FOCAD: variants seen among roughly 807,000 people sequenced by gnomAD.
FOCAD encodes the protein focadhesin.
A neutral mutation model predicts 225.6 loss-of-function variants in FOCAD; 198 were observed. The ratio of observed to expected loss-of-function variants is 0.88; its 90% CI spans 0.78 to 0.99. The LOEUF (loss-of-function observed/expected upper bound fraction) is 0.99, where lower values mean the gene tolerates loss of function less well. FOCAD is among the 50% of genes least tolerant of loss of function. The pLI is 0.00. For missense variants in FOCAD, 2,713 were observed against 2,123.6 expected (o/e 1.28, Z -5.46); for synonymous variants, 897 against 755.0 (o/e 1.19, Z -3.08).
At chr9:20,889,768 C>T (rs989442813) in intron 21 of FOCAD, among the ~76,000 whole-genome samples, 19 of 152,204 alleles carry the variant, frequency 1.2e-4, no homozygotes, top group African/African-American at 3.6e-4. Flanking sequence ...TTTTAAGAAA[C>T]CACAAAAAAG....
chr9:20,786,899 C>A, intron 10 of FOCAD: 2 of 314,248 alleles, frequency 6.4e-6, no homozygotes, highest in South Asian at 2.9e-5. Context: ...TTTTAAACAC[C>A]TACTTCCTCC....
At chr9:20,686,598 AT>A (rs1822681827) in intron 1 of FOCAD, among the ~76,000 whole-genome samples, 1 of 152,248 alleles carries the variant, frequency 6.6e-6, no homozygotes, top group African/African-American at 2.4e-5. Flanking sequence ...CTTGATCTTA[AT>A]CAGTATTTCT....
chr9:20,784,512 G>A (rs1034261429), intron 10 of FOCAD, among the ~76,000 whole-genome samples: 2 of 152,100 alleles, frequency 1.3e-5, no homozygotes, highest in African/African-American at 4.8e-5. Flanking sequence ...AGGGTGGATG[G>A]GTGAGATGAA....
chr9:20,693,896 A>G (rs1823132589), intron 1 of FOCAD, among the ~76,000 whole-genome samples: 1 of 152,160 alleles, frequency 6.6e-6, no homozygotes, highest in Non-Finnish European at 1.5e-5. Context: ...TTTTTAGTAC[A>G]GATGGCACTT....
intron 28 of FOCAD, among the ~76,000 whole-genome samples, chr9:20,933,411 T>C (rs1835670761): frequency 6.6e-6 from 1 of 152,222 alleles, no homozygotes; most frequent in Admixed American, 6.5e-5. Flanking sequence ...TGTATCCTCA[T>C]AGCTTAGCTC....
chr9:20,804,808 T>C (rs36020115), intron 11 of FOCAD, among the ~76,000 whole-genome samples: 1,786 of 149,230 alleles, frequency 0.012, 19 homozygotes, highest in Non-Finnish European at 0.018. Flanking sequence ...TTCCGGGAAA[T>C]CCTTCTGAAG....
At chr9:20,698,104 A>G (rs1823525461) in intron 1 of FOCAD, among the ~76,000 whole-genome samples, 1 of 152,234 alleles carries the variant, frequency 6.6e-6, no homozygotes. Context: ...AATAAATAAG[A>G]TCACTTTTTT....
At position 20,735,362 on chromosome 9, in the gene FOCAD, C is replaced by G. The variant is rs975987093; in HGVS notation, c.288-4874C>G. 7.9e-5 allele frequency among the ~76,000 whole-genome samples: 12 copies of G among 151,936 alleles called. No homozygotes were observed. The East Asian group carries it at 2.3e-3, about 29-fold the overall frequency. On this transcript the variant is annotated intron_variant, in intron 4 of 43. Coordinates refer to ENST00000338382, the MANE Select transcript of FOCAD (RefSeq NM_001375567.1). ...TCCATAAATTCTTTCAAAGCAATTG[C>G]TTTAATCTTTATAGTCACATTTGAA...
chr9:20,751,681 G>GAT lies in FOCAD; in HGVS notation c.393-6408_393-6407dup, dbSNP rs1176790279. 4.1e-3 allele frequency among the ~76,000 whole-genome samples: 614 copies of GAT among 148,756 alleles called. 4 individuals carry two copies. Among genetic ancestry groups the GAT allele is most frequent in the African/African-American group, 0.015 (593 of 40,764 alleles). On this transcript the variant is annotated intron_variant, in intron 5 of 43. Transcript: ENST00000338382. ...CCTTTGGGTATATACCCAGTAATGG[G>GAT]ATGACTGGGTCAAATGGTATTTCTA...
At chr9:20,879,973 A>G (rs1448897157) in intron 19 of FOCAD, among the ~76,000 whole-genome samples, 1 of 152,198 alleles carries the variant, frequency 6.6e-6, no homozygotes, top group Non-Finnish European at 1.5e-5. Context: ...TTCTTTCATC[A>G]TAGTGCCTCT....
intron 24 of FOCAD, among the ~76,000 whole-genome samples, chr9:20,919,302 A>G (rs1248095747): frequency 6.6e-6 from 1 of 152,224 alleles, no homozygotes; most frequent in East Asian, 1.9e-4. Context: ...CCACTGCTGA[A>G]TGAAATAAAA....
chr9:20,907,987 G>A (rs986039417), intron 22 of FOCAD, among the ~76,000 whole-genome samples: 5 of 152,076 alleles, frequency 3.3e-5, no homozygotes, highest in African/African-American at 1.2e-4. Context: ...TGACATAAGT[G>A]TCTAAACGTA....
intron 4 of FOCAD, among the ~76,000 whole-genome samples, chr9:20,737,526 C>T (rs1359465327): frequency 1.3e-5 from 2 of 152,156 alleles, no homozygotes; most frequent in African/African-American, 4.8e-5. Context: ...GGCCTTTCTT[C>T]AGTGGTATAT....
intron 20 of FOCAD, among the ~76,000 whole-genome samples, chr9:20,882,655 A>G (rs1485763037): frequency 3.3e-5 from 5 of 152,224 alleles, no homozygotes; most frequent in African/African-American, 9.6e-5. Flanking sequence ...CTGAGCATTC[A>G]GCCTCAACTT....
chr9:20,735,972 A>T (rs2131633094), intron 4 of FOCAD, among the ~76,000 whole-genome samples: 1 of 152,288 alleles, frequency 6.6e-6, no homozygotes, highest in East Asian at 1.9e-4. Context: ...TTAACTGGAG[A>T]ACCTCTTTAA....
chr9:20,981,730 G>A, intron 38 of FOCAD, 44 bp downstream of exon 38: 1 of 1,572,942 alleles, frequency 6.4e-7, no homozygotes, highest in Non-Finnish European at 8.6e-7. Context: ...TTATGTTTGG[G>A]ATATTTTAAA....
At chr9:20,723,999 G>A (rs2131567939) in intron 4 of FOCAD, among the ~76,000 whole-genome samples, 1 of 152,278 alleles carries the variant, frequency 6.6e-6, no homozygotes, top group South Asian at 2.1e-4. Context: ...GGAGGTCCAA[G>A]ATTCTTTTAA....
intron 21 of FOCAD, among the ~76,000 whole-genome samples, chr9:20,906,119 A>G (rs929501960): frequency 6.6e-6 from 1 of 152,002 alleles, no homozygotes; most frequent in Non-Finnish European, 1.5e-5. Flanking sequence ...AGTACCTTGT[A>G]TATAGTAGGC....
At chr9:20,800,479 G>A (rs547954486) in intron 11 of FOCAD, among the ~76,000 whole-genome samples, 2 of 152,034 alleles carry the variant, frequency 1.3e-5, no homozygotes, top group South Asian at 4.1e-4. Context: ...TCACTTTCAG[G>A]TACACCAATC....
Sources: gnomAD v4.1 joint callset for allele counts (sites outside exome capture counted in the v4.1 genomes callset) on GRCh38, gnomAD v4.1.1 for gene constraint, MANE v1.5 for transcripts, NCBI Gene and HGNC (gene_info 2026-07-23, HGNC 2026-07-21) for gene names.